The following GALNT9 variants were observed in gnomAD, a reference collection of about 807,000 sequenced individuals.
The protein encoded by GALNT9 is polypeptide N-acetylgalactosaminyltransferase 9.
A neutral mutation model predicts 63.1 loss-of-function variants in GALNT9; 47 were observed. That is an observed-to-expected ratio of 0.75 (90% CI 0.59 to 0.95). GALNT9 has a LOEUF of 0.95. Ranked by LOEUF, GALNT9 falls within the 40% of genes least tolerant of loss-of-function variation. The probability of loss-of-function intolerance (pLI) is 0.00; values close to 1 mark genes in which losing one functional copy is unlikely to be tolerated. For missense variants in GALNT9, 829 were observed against 874.8 expected, an observed-to-expected ratio of 0.95 and a Z score of 0.66; for synonymous variants, 396 against 365.7, an observed-to-expected ratio of 1.08 and a Z score of -0.94.
intron 6 of GALNT9, among the ~76,000 whole-genome samples, chr12:132,243,803 A>G (rs2136905971): frequency 2.8e-4 from 43 of 152,210 alleles, no homozygotes; most frequent in African/African-American, 9.6e-4. Context: ...GGGGACTGGG[A>G]ATCAGCCGCT....
In GALNT9 at chr12:132,196,877, C is replaced by T. The variant is rs1875540359; in HGVS notation, c.*230G>A. 5.1e-6 allele frequency: 7 copies of T among 1,371,330 alleles called. No homozygotes were observed. Among genetic ancestry groups the T allele is most frequent in the Non-Finnish European group, 5.6e-6 (6 of 1,062,152 alleles). The allele number at this position is 1,371,330 out of a possible 1,614,324, so 84.9% of individuals were successfully genotyped here. The stretch of plus-strand genomic sequence containing the variant: ...CGTGTTTGAGTTGGCATCACTGTCC[C>T]CAGACGCCCTCCCTCGGGTAGAGCC... On this transcript the variant is annotated 3_prime_UTR_variant, in exon 11 of 11. Coordinates refer to ENST00000328957, the MANE Select transcript of GALNT9 (RefSeq NM_001122636.2).
chr12:132,308,680 C>A (rs1881700820), intron 1 of GALNT9, among the ~76,000 whole-genome samples: 1 of 152,314 alleles, frequency 6.6e-6, no homozygotes, highest in Admixed American at 6.5e-5. Context: ...CTCGGGGTGC[C>A]CATCCTGTAA....
chr12:132,256,779 C>T (rs1387798218), intron 5 of GALNT9, among the ~76,000 whole-genome samples: 3 of 152,268 alleles, frequency 2.0e-5, no homozygotes, highest in East Asian at 1.9e-4. Context: ...CAGCCATGTC[C>T]GAGAGTTGCA....
intron 6 of GALNT9, among the ~76,000 whole-genome samples, chr12:132,207,058 T>C (rs1157512200): frequency 6.6e-6 from 1 of 152,224 alleles, no homozygotes; most frequent in Non-Finnish European, 1.5e-5. Context: ...AGTGAGACCC[T>C]GTCTGAAAAC....
intron 5 of GALNT9, among the ~76,000 whole-genome samples, chr12:132,253,887 C>G (rs1555238803): frequency 6.6e-6 from 1 of 152,238 alleles, no homozygotes; most frequent in Non-Finnish European, 1.5e-5. Flanking sequence ...TGGGTGGCAG[C>G]TGCTCCCCTC....
intron 1 of GALNT9, among the ~76,000 whole-genome samples, chr12:132,298,158 A>G (rs1446712877): frequency 6.6e-6 from 1 of 152,104 alleles, no homozygotes; most frequent in African/African-American, 2.4e-5. Context: ...CACTCTCATG[A>G]TAACCAACCC....
chr12:132,307,667 A>C (rs1881662520), intron 1 of GALNT9, among the ~76,000 whole-genome samples: 1 of 64,900 alleles, frequency 1.5e-5, no homozygotes, highest in African/African-American at 5.5e-5. Context: ...CCTCATCTCT[A>C]CTAAAAAAAA....
Position 132,197,798 on chromosome 12 carries a change from G to T in GALNT9, c.1659C>A (p.Phe553Leu). 1.3e-6 allele frequency: 2 copies of T among 1,570,008 alleles called. No homozygotes were observed. Among genetic ancestry groups the T allele is most frequent in the South Asian group, 1.2e-5 (1 of 85,762 alleles). The part of the protein sequence containing the change: ...VARPTQRLWD[F>L]TQSGPIVSRA... ...CCCTTCCCCAGAGGCTGACCTGGGTGAAGTCCCACAGCCGCTGTGTTGGCC... is the reference window on the plus strand; with the variant it reads ...CCCTTCCCCAGAGGCTGACCTGGGTTAAGTCCCACAGCCGCTGTGTTGGCC... The change falls in exon 10 of 11, where the codon TTC becomes TTA. Residue 553 changes from phenylalanine (F) to leucine (L), a missense_variant. Physicochemically the swap from Phe to Leu is conservative, Grantham distance 22. Coordinates refer to ENST00000328957, the MANE Select transcript of GALNT9 (RefSeq NM_001122636.2).
At chr12:132,210,519 G>A (rs907530263) in intron 6 of GALNT9, among the ~76,000 whole-genome samples, 1 of 152,114 alleles carries the variant, frequency 6.6e-6, no homozygotes, top group Non-Finnish European at 1.5e-5. Flanking sequence ...CATGAGGCTT[G>A]GGCAGGAGGT....
At position 132,295,949 on chromosome 12, in the gene GALNT9, AACAGGGACGG is replaced by A. The variant is rs1881050802; in HGVS notation, c.239-9529_239-9520del. 1.5e-5 allele frequency among the ~76,000 whole-genome samples: 2 copies of A among 133,844 alleles called. 1 individual carries two copies. Among genetic ancestry groups the A allele is most frequent in the African/African-American group, 5.9e-5 (2 of 33,648 alleles). 87.8% of individuals were successfully genotyped at this position (133,844 alleles called of 152,430 possible). A position where few individuals can be genotyped will look rare whatever the true frequency, so the allele number is the denominator to read the frequency against. ...GGCCTCCGAACAGGGACGGCCTCCG[AACAGGGACGG>A]CCTCCGGAACAGGGAGAGCCTCCAA... On this transcript the variant is annotated intron_variant, in intron 1 of 10. Coordinates refer to ENST00000328957, the MANE Select transcript of GALNT9 (RefSeq NM_001122636.2).
chr12:132,329,278 G>GC lies in GALNT9; in HGVS notation c.-76dup. ...CGCCCGGGCCTGGGCTTCAGCTTCG[G>GC]CTTCGGGGACCATGAGCCGCCCGGG... On this transcript the variant is annotated 5_prime_UTR_variant, in exon 1 of 11. It introduces an in-frame stop codon into an upstream open reading frame of the 5' UTR. Coordinates refer to ENST00000328957, the MANE Select transcript of GALNT9 (RefSeq NM_001122636.2). The GC allele has an allele frequency of 6.7e-7, 1 of 1,488,306 alleles. No homozygotes were observed. Among genetic ancestry groups the GC allele is most frequent in the South Asian group, 1.3e-5 (1 of 75,044 alleles). 92.2% of individuals were successfully genotyped at this position (1,488,306 alleles called of 1,614,324 possible).
At chr12:132,208,568 G>T (rs746019775) in intron 6 of GALNT9, among the ~76,000 whole-genome samples, 2 of 152,166 alleles carry the variant, frequency 1.3e-5, no homozygotes, top group Non-Finnish European at 2.9e-5. Context: ...TAACCTGGCC[G>T]CCAGCATGAG....
At position 132,241,253 on chromosome 12, in the gene GALNT9, C is replaced by A. The variant is rs2136901073; in HGVS notation, c.1077+6657G>T. Among the ~76,000 whole-genome samples, 14 of 41,896 alleles carry A rather than the reference C, an allele frequency of 3.3e-4. No homozygotes were observed. In the South Asian group the frequency reaches 8.1e-3, roughly 24 times the overall value. The allele number at this position is 41,896 out of a possible 152,430, so 27.5% of individuals were successfully genotyped here. On this transcript the variant is annotated intron_variant, in intron 6 of 10. Transcript: ENST00000328957. ...CCTCCCTATACCCATTACACACACG[C>A]CACACCCCCTTCCCGGGGCCCTCCC...
At position 132,245,155 on chromosome 12, in the gene GALNT9, A is replaced by G. The variant is rs182346887; in HGVS notation, c.1077+2755T>C. ...GAGTCAGGCCATCAGAAAGGCCCCT[A>G]TGTCAGCCAGGCGTGGTGGTTCACA... On this transcript the variant is annotated intron_variant, in intron 6 of 10. Coordinates refer to ENST00000328957, the MANE Select transcript of GALNT9 (RefSeq NM_001122636.2). The surrounding 1 kb of genome is among the most constrained non-coding windows in gnomAD (Gnocchi z 6.3). 6.6e-6 allele frequency among the ~76,000 whole-genome samples: 1 copy of G among 152,032 alleles called. No individual in the cohort carries two copies. Among genetic ancestry groups the G allele is most frequent in the Non-Finnish European group, 1.5e-5 (1 of 67,918 alleles).
intron 7 of GALNT9, among the ~76,000 whole-genome samples, chr12:132,202,217 G>A (rs572780555): frequency 3.9e-5 from 6 of 152,366 alleles, no homozygotes; most frequent in Admixed American, 2.6e-4. Flanking sequence ...GGCATTTGCC[G>A]GCCTCACTGC....
chr12:132,209,752 T>C (rs1172280049), intron 6 of GALNT9, among the ~76,000 whole-genome samples: 1 of 152,108 alleles, frequency 6.6e-6, no homozygotes, highest in Non-Finnish European at 1.5e-5. Flanking sequence ...CTAAAAAGGG[T>C]GGAGCCCTCA....
chr12:132,248,134 T>A, intron 5 of GALNT9, 107 bp from the exon 6 acceptor site: 1 of 1,438,072 alleles, frequency 7.0e-7, no homozygotes, highest in Non-Finnish European at 9.2e-7. Flanking sequence ...CCCTCCCTCC[T>A]GTGCCTCCTC....
At chr12:132,295,913 C>CG (rs1165558387) in intron 1 of GALNT9, among the ~76,000 whole-genome samples, 39 of 74,612 alleles carry the variant, frequency 5.2e-4, no homozygotes, top group African/African-American at 2.1e-3. Context: ...GGAGAGCCTC[C>CG]GAACAGGGAC....
chr12:132,268,306 C>T (rs782737657), intron 2 of GALNT9, among the ~76,000 whole-genome samples: 6 of 152,150 alleles, frequency 3.9e-5, no homozygotes, highest in Non-Finnish European at 5.9e-5. Context: ...CACGTATGCT[C>T]TCACACACAC....
Sources: gnomAD v4.1 joint callset for allele counts (sites outside exome capture counted in the v4.1 genomes callset) on GRCh38, gnomAD v4.1.1 for gene constraint, Gnocchi (gnomAD v3.1) non-coding constraint, MANE v1.5 for transcripts, NCBI Gene and HGNC (gene_info 2026-07-23, HGNC 2026-07-21) for gene names.